ADAMTS19: variants seen among roughly 807,000 people sequenced by gnomAD.
ADAMTS19 encodes the protein A disintegrin and metalloproteinase with thrombospondin motifs 19.
In ADAMTS19, 93 loss-of-function variants were observed where a neutral mutation model predicts 153.3. The ratio of observed to expected loss-of-function variants is 0.61; its 90% CI spans 0.51 to 0.72. The LOEUF (loss-of-function observed/expected upper bound fraction) is 0.72, where lower values mean the gene tolerates loss of function less well. Among genes scored for constraint, ADAMTS19 ranks in the 30% least tolerant of loss-of-function variants. ADAMTS19 has a pLI of 0.00. For missense variants in ADAMTS19, 1,482 were observed against 1,552.1 expected (o/e 0.95, Z 0.76); for synonymous variants, 600 against 556.6 (o/e 1.08, Z -1.10).
chr5:129,661,097 T>A (rs1477296802), intron 15 of ADAMTS19, among the ~76,000 whole-genome samples: 1 of 152,174 alleles, frequency 6.6e-6, no homozygotes, highest in Non-Finnish European at 1.5e-5. Flanking sequence ...AATGAAGTGA[T>A]CCCTGAAGTG....
chr5:129,460,615 G>C, intron 1 of ADAMTS19, 133 bp downstream of exon 1: 1 of 969,100 alleles, frequency 1.0e-6, no homozygotes, highest in Non-Finnish European at 1.6e-6. Context: ...AAATGAGCTT[G>C]AGGTGCAGGT....
At chr5:129,542,930 C>T (rs1009647379) in intron 6 of ADAMTS19, among the ~76,000 whole-genome samples, 2 of 151,764 alleles carry the variant, frequency 1.3e-5, no homozygotes, top group African/African-American at 4.8e-5. Flanking sequence ...AGGATTATAT[C>T]ATCTATATAC....
chr5:129,715,434 G>T (rs2127189122), intron 21 of ADAMTS19, among the ~76,000 whole-genome samples: 1 of 152,260 alleles, frequency 6.6e-6, no homozygotes, highest in Non-Finnish European at 1.5e-5. Flanking sequence ...CTAAGTTAAT[G>T]AATCCAAATG....
Position 129,705,762 on chromosome 5 carries a change from A to AC in ADAMTS19, c.3312+1372dup, listed in dbSNP as rs111718634. Among the ~76,000 whole-genome samples the AC allele has an allele frequency of 5.9e-5, 9 of 152,278 alleles. 3 individuals are homozygous for AC. The highest frequency in any genetic ancestry group is 2.2e-4 in the African/African-American group (9 of 41,564). On this transcript the variant is annotated intron_variant, in intron 21 of 22. Transcript: ENST00000274487. ...ATTTGTTTCCTTAATTCTAAGGGAGACAAATAGAGCAGGATAATAGGGAAA... is the reference window on the plus strand; with the variant it reads ...ATTTGTTTCCTTAATTCTAAGGGAGACCAAATAGAGCAGGATAATAGGGAAA...
At chr5:129,463,733 C>G (rs1749767074) in intron 2 of ADAMTS19, among the ~76,000 whole-genome samples, 2 of 152,154 alleles carry the variant, frequency 1.3e-5, no homozygotes, top group Admixed American at 1.3e-4. Flanking sequence ...AGCTCCTTAT[C>G]TCTTTAGGCT....
chr5:129,532,329 G>T (rs1038547175), intron 6 of ADAMTS19, among the ~76,000 whole-genome samples: 12 of 152,146 alleles, frequency 7.9e-5, no homozygotes, highest in East Asian at 1.9e-4. Context: ...TTAAAAATAA[G>T]AAGAAGAAAT....
intron 7 of ADAMTS19, among the ~76,000 whole-genome samples, chr5:129,580,418 C>G (rs1347831306): frequency 6.6e-6 from 1 of 152,056 alleles, no homozygotes; most frequent in African/African-American, 2.4e-5. Context: ...ATTTGAATAC[C>G]CTTTATTTAT....
At chr5:129,620,451 GTTAAC>G (rs1249218797) in intron 8 of ADAMTS19, among the ~76,000 whole-genome samples, 162 bp from the exon 9 acceptor site, 1 of 151,958 alleles carries the variant, frequency 6.6e-6, no homozygotes, top group East Asian at 1.9e-4. Flanking sequence ...AATTTAAAAA[GTTAAC>G]TTAATCTGAA....
intron 21 of ADAMTS19, among the ~76,000 whole-genome samples, chr5:129,707,787 A>G (rs143492098): frequency 2.0e-5 from 3 of 152,310 alleles, no homozygotes; most frequent in East Asian, 1.9e-4. Flanking sequence ...TAAAGTGTCA[A>G]TACTAAAGTG....
chr5:129,649,234 T>C (rs911803805), intron 13 of ADAMTS19, among the ~76,000 whole-genome samples: 4 of 152,188 alleles, frequency 2.6e-5, no homozygotes, highest in Non-Finnish European at 5.9e-5. Context: ...AAGGAGAAAC[T>C]GGATCTCTCA....
At chr5:129,628,793 A>G (rs1752166159) in intron 10 of ADAMTS19, among the ~76,000 whole-genome samples, 1 of 152,122 alleles carries the variant, frequency 6.6e-6, no homozygotes, top group East Asian at 1.9e-4. Flanking sequence ...ACAGTTGCCT[A>G]CAATATACAG....
chr5:129,492,868 AT>A (rs1581004237), intron 2 of ADAMTS19, among the ~76,000 whole-genome samples: 1 of 152,088 alleles, frequency 6.6e-6, no homozygotes, highest in Non-Finnish European at 1.5e-5. Flanking sequence ...AGAGTTTACC[AT>A]TTTCTTAATT....
chr5:129,479,724 A>G (rs1246080643), intron 2 of ADAMTS19, among the ~76,000 whole-genome samples: 1 of 152,192 alleles, frequency 6.6e-6, no homozygotes, highest in African/African-American at 2.4e-5. Context: ...TGAGACACTT[A>G]AACATAAATT....
intron 13 of ADAMTS19, 136 bp from the exon 14 acceptor site, chr5:129,654,170 C>A (rs1430032000): frequency 3.9e-6 from 3 of 767,620 alleles, no homozygotes; most frequent in African/African-American, 3.6e-5. Flanking sequence ...CTAATGTTAT[C>A]TACTCTAACA....
chr5:129,475,615 T>G (rs1332756861), intron 2 of ADAMTS19, among the ~76,000 whole-genome samples: 1 of 152,168 alleles, frequency 6.6e-6, no homozygotes, highest in Non-Finnish European at 1.5e-5. Flanking sequence ...GGCAGATCAC[T>G]TGGGGTCAGG....
At chr5:129,575,561 T>C (rs1754069858) in intron 7 of ADAMTS19, among the ~76,000 whole-genome samples, 1 of 152,118 alleles carries the variant, frequency 6.6e-6, no homozygotes, top group African/African-American at 2.4e-5. Flanking sequence ...TTCTTTGGCT[T>C]GTGAGCAAAG....
intron 6 of ADAMTS19, among the ~76,000 whole-genome samples, chr5:129,530,781 A>G (rs1752173182): frequency 6.6e-6 from 1 of 151,886 alleles, no homozygotes; most frequent in African/African-American, 2.4e-5. Flanking sequence ...TCTATCCAAT[A>G]TCGTACTGAA....
chr5:129,685,813 G>A (rs185523370), intron 18 of ADAMTS19, among the ~76,000 whole-genome samples: 1 of 152,278 alleles, frequency 6.6e-6, no homozygotes, highest in East Asian at 1.9e-4. Flanking sequence ...CAAAAAACTA[G>A]GGATGCAAAG....
At position 129,528,503 on chromosome 5, in the gene ADAMTS19, G is replaced by C; in HGVS notation, c.1171-17G>C. ...CTAAGAATAATATGCCTTGTGATGA[G>C]CTCTGTTCTTTTGCAGCCAGAACTA... is the stretch of plus-strand genomic sequence containing the variant. On this transcript the variant is annotated splice_polypyrimidine_tract_variant and intron_variant, in intron 5 of 22. Coordinates refer to ENST00000274487, the MANE Select transcript of ADAMTS19 (RefSeq NM_133638.6). 1.3e-6 allele frequency: 2 copies of C among 1,556,928 alleles called. No individual in the cohort carries two copies. Among genetic ancestry groups the C allele is most frequent in the Non-Finnish European group, 8.6e-7 (1 of 1,156,432 alleles).
Sources: allele counts gnomAD v4.1 joint callset (sites outside exome capture counted in the v4.1 genomes callset), GRCh38; gene constraint gnomAD v4.1.1; transcripts MANE v1.5; gene names NCBI Gene and HGNC (gene_info 2026-07-23, HGNC 2026-07-21).